The following ADARB2 variants were observed in gnomAD, a reference collection of about 807,000 sequenced individuals.
ADARB2 encodes inactive double-stranded RNA-specific editase B2.
In ADARB2, 25 loss-of-function variants were observed where a neutral mutation model predicts 62.2. That is an observed-to-expected ratio of 0.40 (90% confidence interval 0.29 to 0.56). The LOEUF (loss-of-function observed/expected upper bound fraction) is 0.56, where lower values mean the gene tolerates loss of function less well. Ranked by LOEUF, ADARB2 falls within the 20% of genes least tolerant of loss-of-function variation. The pLI is 0.43. For synonymous variants in ADARB2, 572 were observed against 500.8 expected, an observed-to-expected ratio of 1.14 and a Z score of -1.90; for missense variants, 1,071 against 1,077.4, an observed-to-expected ratio of 0.99 and a Z score of 0.08.
intron 8 of ADARB2, chr10:1,186,710 C>A (rs1459961783): frequency 2.5e-6 from 1 of 404,346 alleles, no homozygotes; most frequent in Admixed American, 2.7e-5. Flanking sequence ...GCGTCTTGGC[C>A]AGGGCATTGC....
intron 8 of ADARB2, among the ~76,000 whole-genome samples, chr10:1,191,027 C>G (rs900100873): frequency 6.7e-6 from 1 of 150,204 alleles, no homozygotes; most frequent in Admixed American, 6.6e-5. Context: ...GCCCCACACT[C>G]TGCAGAATGG....
chr10:1,205,023 G>T (rs1837033712), intron 7 of ADARB2, among the ~76,000 whole-genome samples: 1 of 152,106 alleles, frequency 6.6e-6, no homozygotes, highest in Non-Finnish European at 1.5e-5. Flanking sequence ...TGAGGTGCTG[G>T]GATGATGCCA....
rs368603004 is a variant in ADARB2 at position 1,497,546 on chromosome 10, T to C, written c.101-118386A>G. Among the ~76,000 whole-genome samples the C allele has an allele frequency of 5.4e-4, 83 of 152,332 alleles. No individual in the cohort carries two copies. In the South Asian group the frequency reaches 7.5e-3, roughly 14 times the overall value. ...TCCTCTCAGTTGTATTAAACACTTA[T>C]TGTTCTCCTTTCTCTTATAAATAAT... is the stretch of plus-strand genomic sequence containing the variant. On this transcript the variant is annotated intron_variant, in intron 1 of 9. Transcript: ENST00000381312.
At chr10:1,326,285 T>C (rs949038513) in intron 3 of ADARB2, among the ~76,000 whole-genome samples, 1 of 152,178 alleles carries the variant, frequency 6.6e-6, no homozygotes, top group Non-Finnish European at 1.5e-5. Context: ...GGAAGTGCCT[T>C]GGTAACTGAC....
intron 1 of ADARB2, among the ~76,000 whole-genome samples, chr10:1,674,603 G>A (rs1041026777): frequency 6.6e-6 from 1 of 152,212 alleles, no homozygotes; most frequent in Non-Finnish European, 1.5e-5. Flanking sequence ...CCCTTTGGTT[G>A]TGTTGCGGTT....
At chr10:1,414,700 C>T (rs907351022) in intron 1 of ADARB2, among the ~76,000 whole-genome samples, 13 of 152,190 alleles carry the variant, frequency 8.5e-5, no homozygotes, top group South Asian at 4.1e-4. Context: ...TCCATGATCA[C>T]GATGGCCCCT....
intron 4 of ADARB2, among the ~76,000 whole-genome samples, chr10:1,269,291 A>G (rs1831236575): frequency 6.6e-6 from 1 of 152,160 alleles, no homozygotes; most frequent in African/African-American, 2.4e-5. Context: ...GTTCTTTTAT[A>G]TTGGATTTAA....
At chr10:1,617,206 G>A (rs111554205) in intron 1 of ADARB2, among the ~76,000 whole-genome samples, 17 of 124,828 alleles carry the variant, frequency 1.4e-4, no homozygotes, top group East Asian at 2.8e-4. Flanking sequence ...TTGTGTGCCC[G>A]TCCAGACACA....
Position 1,348,327 on chromosome 10 carries a change from T to C in ADARB2, c.1077+14701A>G, listed in dbSNP as rs143967311. 3.9e-5 allele frequency among the ~76,000 whole-genome samples: 6 copies of C among 152,228 alleles called. No individual in the cohort carries two copies. The East Asian group carries it at 1.2e-3, about 29-fold the overall frequency. ...GAAGGGGTCTGGGGAGTCTGGGATG[T>C]GGGTTTCCTGGGTGAGCGGTTGAGG... On this transcript the variant is annotated intron_variant, in intron 3 of 9. Transcript: ENST00000381312.
intron 1 of ADARB2, among the ~76,000 whole-genome samples, chr10:1,690,299 G>T (rs1588353667): frequency 6.6e-6 from 1 of 152,200 alleles, no homozygotes; most frequent in Non-Finnish European, 1.5e-5. Context: ...AATTAAATGT[G>T]AACAAGCCGT....
At chr10:1,391,689 T>G (rs1832571834) in intron 1 of ADARB2, among the ~76,000 whole-genome samples, 2 of 151,982 alleles carry the variant, frequency 1.3e-5, no homozygotes, top group African/African-American at 4.8e-5. Context: ...AACTTATTCA[T>G]GTGAAATAAC....
At position 1,193,434 on chromosome 10, in the gene ADARB2, T is replaced by C. The variant is rs190164114; in HGVS notation, c.1864+6532A>G. Among the ~76,000 whole-genome samples, 89 of 152,344 alleles carry C rather than the reference T, an allele frequency of 5.8e-4. 1 individual carries two copies. Among genetic ancestry groups the C allele is most frequent in the African/African-American group, 2.0e-3 (85 of 41,570 alleles). On this transcript the variant is annotated intron_variant, in intron 8 of 9. Transcript: ENST00000381312. ...AGGATTGTCATTATTTCAAAAGATATGGGACAAAGGGACTTTGGGGGAATG... is the reference window on the plus strand; with the variant it reads ...AGGATTGTCATTATTTCAAAAGATACGGGACAAAGGGACTTTGGGGGAATG...
chr10:1,629,065 G>A (rs1452985962), intron 1 of ADARB2, among the ~76,000 whole-genome samples: 1 of 152,250 alleles, frequency 6.6e-6, no homozygotes, highest in Non-Finnish European at 1.5e-5. Flanking sequence ...GTGAGGACAG[G>A]CGTGAAACTG....
chr10:1,701,806 C>A (rs1834824573), intron 1 of ADARB2, among the ~76,000 whole-genome samples: 1 of 144,724 alleles, frequency 6.9e-6, no homozygotes, highest in African/African-American at 2.6e-5. Context: ...CGGGCACTCG[C>A]CAATACACGC....
chr10:1,455,885 C>A (rs1831089844), intron 1 of ADARB2, among the ~76,000 whole-genome samples: 1 of 152,114 alleles, frequency 6.6e-6, no homozygotes, highest in Non-Finnish European at 1.5e-5. Context: ...TGAACGCAAG[C>A]AAAATAACAA....
At chr10:1,531,774 T>C (rs1588290291) in intron 1 of ADARB2, among the ~76,000 whole-genome samples, 1 of 151,898 alleles carries the variant, frequency 6.6e-6, no homozygotes. Flanking sequence ...GAGGCGGAGG[T>C]TGCAGTAAGC....
intron 1 of ADARB2, among the ~76,000 whole-genome samples, chr10:1,571,363 T>C (rs1361192268): frequency 6.6e-6 from 1 of 152,222 alleles, no homozygotes; most frequent in Non-Finnish European, 1.5e-5. Context: ...TGCTTGATAC[T>C]GATACTATAG....
intron 1 of ADARB2, among the ~76,000 whole-genome samples, chr10:1,542,687 C>T (rs1161407027): frequency 9.4e-5 from 3 of 31,870 alleles, no homozygotes; most frequent in African/African-American, 1.1e-4. Flanking sequence ...CCCACTCAGA[C>T]GCAGTTCGGA....
intron 8 of ADARB2, among the ~76,000 whole-genome samples, chr10:1,199,220 C>CCCG (rs1554742825): frequency 6.6e-6 from 1 of 151,914 alleles, no homozygotes; most frequent in African/African-American, 2.4e-5. Context: ...ACCCACCCCC[C>CCCG]CGCTTCCCGC....
Sources: gnomAD v4.1 joint callset for allele counts (sites outside exome capture counted in the v4.1 genomes callset) on GRCh38, gnomAD v4.1.1 for gene constraint, MANE v1.5 for transcripts, NCBI Gene and HGNC (gene_info 2026-07-23, HGNC 2026-07-21) for gene names.